PDE3B: variants seen among roughly 807,000 people sequenced by gnomAD.
PDE3B encodes cGMP-inhibited 3',5'-cyclic phosphodiesterase 3B.
A neutral mutation model predicts 116.8 loss-of-function variants in PDE3B; 66 were observed. The observed-to-expected ratio is 0.56, with a 90% CI of 0.46 to 0.69. The LOEUF (loss-of-function observed/expected upper bound fraction) is 0.69. Ranked by LOEUF, PDE3B falls within the 30% of genes least tolerant of loss-of-function variation. The pLI, the probability that PDE3B is intolerant of heterozygous loss-of-function variation, is 0.00. For missense variants in PDE3B, 1,384 were observed against 1,368.1 expected, an observed-to-expected ratio of 1.01 and a Z score of -0.18; for synonymous variants, 595 against 533.6, an observed-to-expected ratio of 1.12 and a Z score of -1.59.
intron 1 of PDE3B, among the ~76,000 whole-genome samples, chr11:14,688,794 G>T (rs1358605070): frequency 6.6e-6 from 1 of 151,900 alleles, no homozygotes; most frequent in Non-Finnish European, 1.5e-5. Context: ...TGTTTGTTTT[G>T]AGACAGTCTT....
chr11:14,843,563 T>A (rs1278567567), intron 11 of PDE3B, among the ~76,000 whole-genome samples: 2 of 152,228 alleles, frequency 1.3e-5, no homozygotes, highest in Non-Finnish European at 2.9e-5. Flanking sequence ...AATTATTATT[T>A]GCCTGAGTAA....
At chr11:14,861,645 C>T (rs1246988678) in intron 14 of PDE3B, among the ~76,000 whole-genome samples, 3 of 152,166 alleles carry the variant, frequency 2.0e-5, no homozygotes, top group Non-Finnish European at 4.4e-5. Context: ...TCCGAGTTTG[C>T]AGCAACCTCA....
chr11:14,685,819 T>C (rs1259264415), intron 1 of PDE3B, among the ~76,000 whole-genome samples: 1 of 152,158 alleles, frequency 6.6e-6, no homozygotes, highest in Non-Finnish European at 1.5e-5. Context: ...GTAAGCATAC[T>C]GAAGTTGAAA....
intron 6 of PDE3B, 26 bp from the exon 7 acceptor site, chr11:14,819,110 T>C (rs1257398107): frequency 7.3e-7 from 1 of 1,376,890 alleles, no homozygotes; most frequent in Admixed American, 1.7e-5. Flanking sequence ...ATTTACCGTA[T>C]ATATTTATCT....
At chr11:14,735,733 G>A (rs561036538) in intron 1 of PDE3B, among the ~76,000 whole-genome samples, 13 of 152,166 alleles carry the variant, frequency 8.5e-5, no homozygotes, top group African/African-American at 2.6e-4. Flanking sequence ...TTTCATCATC[G>A]AAAAAAGTTT....
chr11:14,761,168 A>C (rs1211783521), intron 1 of PDE3B, among the ~76,000 whole-genome samples: 1 of 152,204 alleles, frequency 6.6e-6, no homozygotes. Context: ...TTGAATTAAA[A>C]ATAGAAGTCT....
intron 1 of PDE3B, among the ~76,000 whole-genome samples, chr11:14,708,869 A>G (rs976849935): frequency 2.6e-5 from 4 of 152,260 alleles, no homozygotes; most frequent in East Asian, 1.9e-4. Context: ...TAAAGGACAT[A>G]TAGGAGTTCT....
rs1854828957 is a variant in PDE3B, at chr11:14,685,072, T to C, written c.978+40019T>C. On this transcript the variant is annotated intron_variant, in intron 1 of 15. Transcript: ENST00000282096. ...TTAAAGTAAGACAGGCATAAGAAAT[T>C]ATAAAAGTATTAATTTTGGGAACTG... Among the ~76,000 whole-genome samples, 3 of 152,188 alleles carry C rather than the reference T, an allele frequency of 2.0e-5. No individual in the cohort carries two copies. The South Asian group carries it at 6.2e-4, about 32-fold the overall frequency.
intron 3 of PDE3B, among the ~76,000 whole-genome samples, chr11:14,788,097 A>G (rs547107092): frequency 4.6e-5 from 7 of 151,902 alleles, no homozygotes; most frequent in African/African-American, 1.7e-4. Context: ...AGAGTAAGTC[A>G]TATAAGAACC....
At chr11:14,826,553 C>G (rs1859692749) in intron 7 of PDE3B, among the ~76,000 whole-genome samples, 1 of 152,044 alleles carries the variant, frequency 6.6e-6, no homozygotes, top group Non-Finnish European at 1.5e-5. Flanking sequence ...TAACCCCTCC[C>G]AAGACTGAAC....
intron 1 of PDE3B, among the ~76,000 whole-genome samples, chr11:14,759,260 G>T (rs932517575): frequency 6.6e-6 from 1 of 152,118 alleles, no homozygotes; most frequent in Non-Finnish European, 1.5e-5. Context: ...CCCGGCTTTG[G>T]TATCAGAATG....
At chr11:14,654,996 T>C (rs1276403824) in intron 1 of PDE3B, among the ~76,000 whole-genome samples, 2 of 152,032 alleles carry the variant, frequency 1.3e-5, no homozygotes, top group African/African-American at 4.8e-5. Context: ...ACTTAAAGCA[T>C]GTAAAAAGAT....
chr11:14,674,022 T>C, intron 1 of PDE3B: 1 of 1,455,112 alleles, frequency 6.9e-7, no homozygotes, highest in Non-Finnish European at 9.6e-7. Flanking sequence ...AGAGCTGTTT[T>C]CGTCTGGTAA....
chr11:14,796,422 C>A (rs1225577974), intron 4 of PDE3B, among the ~76,000 whole-genome samples: 1 of 152,116 alleles, frequency 6.6e-6, no homozygotes, highest in East Asian at 1.9e-4. Context: ...TATTTCTTGT[C>A]CTAGATCCTT....
intron 2 of PDE3B, chr11:14,772,905 A>G (rs1263962764): frequency 2.0e-5 from 3 of 152,004 alleles, no homozygotes; most frequent in African/African-American, 4.8e-5. Context: ...CAAAAATGTT[A>G]TCTATGAATA....
intron 1 of PDE3B, among the ~76,000 whole-genome samples, chr11:14,701,214 A>T (rs995435214): frequency 1.3e-5 from 2 of 151,784 alleles, no homozygotes; most frequent in African/African-American, 2.4e-5. Flanking sequence ...CATCAGCATG[A>T]ATTAATAAGT....
chr11:14,676,216 A>T (rs1590053989), intron 1 of PDE3B, among the ~76,000 whole-genome samples: 1 of 152,318 alleles, frequency 6.6e-6, no homozygotes, highest in Middle Eastern at 3.4e-3. Flanking sequence ...TGTTTTAGAC[A>T]GTCATGCGTT....
chr11:14,749,152 G>T (rs1856991151), intron 1 of PDE3B, among the ~76,000 whole-genome samples: 2 of 152,140 alleles, frequency 1.3e-5, no homozygotes, highest in African/African-American at 4.8e-5. Context: ...GCTTCCCAAA[G>T]TGCTGGGATT....
intron 1 of PDE3B, among the ~76,000 whole-genome samples, chr11:14,722,513 T>C (rs1270442620): frequency 6.6e-6 from 1 of 152,192 alleles, no homozygotes; most frequent in Non-Finnish European, 1.5e-5. Context: ...TTTTGTAAGA[T>C]TTGTTGAGTA....
Sources: allele counts gnomAD v4.1 joint callset (sites outside exome capture counted in the v4.1 genomes callset), GRCh38; gene constraint gnomAD v4.1.1; transcripts MANE v1.5; gene names NCBI Gene and HGNC (gene_info 2026-07-23, HGNC 2026-07-21).